The following SARNP variants were observed in gnomAD, a reference collection of about 807,000 sequenced individuals.
SARNP encodes the protein SAP domain-containing ribonucleoprotein.
SARNP carries 5 observed loss-of-function variants against 38.1 expected under a neutral mutation model. The observed-to-expected ratio is 0.13, with a 90% CI of 0.07 to 0.28. SARNP has a LOEUF of 0.28. Ranked by LOEUF, SARNP falls within the 10% of genes least tolerant of loss-of-function variation. SARNP has a pLI of 1.00. For synonymous variants in SARNP, 84 were observed against 80.6 expected, an observed-to-expected ratio of 1.04 and a Z score of -0.23; for missense variants, 180 against 243.9, an observed-to-expected ratio of 0.74 and a Z score of 1.75.
intron 9 of SARNP, among the ~76,000 whole-genome samples, chr12:55,766,619 G>C (rs1311891970): frequency 7.9e-5 from 7 of 88,134 alleles, no homozygotes; most frequent in African/African-American, 2.8e-4. Flanking sequence ...TTTTTGGCGG[G>C]GGGGGGGGGG....
chr12:55,817,042 CTT>C (rs1880510621), intron 1 of SARNP, among the ~76,000 whole-genome samples: 1 of 152,202 alleles, frequency 6.6e-6, no homozygotes, highest in South Asian at 2.1e-4. Context: ...AACTCGAAAA[CTT>C]TTAAATCTGA....
chr12:55,772,659 A>G (rs191404501), intron 9 of SARNP, among the ~76,000 whole-genome samples: 456 of 151,868 alleles, frequency 3.0e-3, no homozygotes, highest in Non-Finnish European at 4.6e-3. Context: ...TTTGAGGATA[A>G]GTGATGCAGA....
At chr12:55,797,444 C>T (rs999627419) in intron 4 of SARNP, among the ~76,000 whole-genome samples, 9 of 152,182 alleles carry the variant, frequency 5.9e-5, no homozygotes, top group Non-Finnish European at 1.0e-4. Flanking sequence ...GCTATTCTGA[C>T]GTTTAAAGAA....
intron 9 of SARNP, among the ~76,000 whole-genome samples, chr12:55,769,093 C>T (rs995628308): frequency 6.6e-6 from 1 of 152,110 alleles, no homozygotes; most frequent in Admixed American, 6.6e-5. Flanking sequence ...TAATAATTAA[C>T]GACTAACAAT....
intron 5 of SARNP, 25 bp from the exon 6 acceptor site, chr12:55,794,905 G>GA (rs752424258): frequency 5.1e-5 from 50 of 973,008 alleles, no homozygotes; most frequent in Middle Eastern, 3.1e-4. Context: ...ACAAAAGGGA[G>GA]AAAAAAAAGT....
intron 9 of SARNP, among the ~76,000 whole-genome samples, chr12:55,783,035 T>G (rs1033729590): frequency 1.3e-5 from 2 of 151,832 alleles, no homozygotes; most frequent in African/African-American, 2.4e-5. Context: ...CACTTGACCC[T>G]GGAGGCTGAG....
chr12:55,804,483 T>C lies in SARNP; in HGVS notation c.37-755A>G, dbSNP rs1302572659. Among the ~76,000 whole-genome samples, 3 of 151,530 alleles carry C rather than the reference T, an allele frequency of 2.0e-5. No individual in the cohort carries two copies. In the East Asian group the frequency reaches 5.8e-4, roughly 29 times the overall value. On this transcript the variant is annotated intron_variant, in intron 1 of 10. Transcript: ENST00000336133. The stretch of plus-strand genomic sequence containing the variant: ...AAACAAAGACTCAATTTAGTAGGAA[T>C]AAGGTATACATATAACTTCCTACAC...
chr12:55,769,226 C>T lies in SARNP; in HGVS notation c.502-8586G>A, dbSNP rs181525176. On this transcript the variant is annotated intron_variant, in intron 9 of 10. Transcript: ENST00000336133. ...GAATCTCTTTCACTGAATTATGTGACATCAGGTTCAATCAACATTTTCAAT... is the reference window on the plus strand; with the variant it reads ...GAATCTCTTTCACTGAATTATGTGATATCAGGTTCAATCAACATTTTCAAT... 1.7e-4 allele frequency among the ~76,000 whole-genome samples: 26 copies of T among 152,276 alleles called. No homozygotes were observed. In the East Asian group the frequency reaches 4.8e-3, roughly 28 times the overall value.
chr12:55,805,938 G>A (rs1245041835), intron 1 of SARNP, among the ~76,000 whole-genome samples: 1 of 152,050 alleles, frequency 6.6e-6, no homozygotes, highest in African/African-American at 2.4e-5. Context: ...TGAGGAGGCT[G>A]AGGCAGGAGA....
chr12:55,800,083 C>G (rs770911666), intron 4 of SARNP, among the ~76,000 whole-genome samples: 2 of 151,602 alleles, frequency 1.3e-5, no homozygotes, highest in East Asian at 3.9e-4. Flanking sequence ...CCCAGCTACT[C>G]GGGAGGCTGA....
chr12:55,784,221 AACAACCTAAAG>A (rs774544848), intron 9 of SARNP, among the ~76,000 whole-genome samples: 1 of 152,328 alleles, frequency 6.6e-6, no homozygotes, highest in South Asian at 2.1e-4. Flanking sequence ...TAGAGAATTA[AACAACCTAAAG>A]ACAAGCGACC....
At chr12:55,757,952 A>G (rs1878563444) in intron 10 of SARNP, among the ~76,000 whole-genome samples, 1 of 152,218 alleles carries the variant, frequency 6.6e-6, no homozygotes, top group Admixed American at 6.5e-5. Context: ...CAGAGGATAA[A>G]GGATTAACCA....
At chr12:55,810,335 A>T (rs930060910) in intron 1 of SARNP, among the ~76,000 whole-genome samples, 1 of 146,938 alleles carries the variant, frequency 6.8e-6, no homozygotes, top group African/African-American at 2.5e-5. Flanking sequence ...CTGTTCTTAA[A>T]CTCCTGGGCT....
intron 8 of SARNP, among the ~76,000 whole-genome samples, chr12:55,789,998 C>A (rs1358915781): frequency 1.4e-5 from 2 of 143,250 alleles, no homozygotes; most frequent in African/African-American, 5.2e-5. Context: ...TAATATTAAA[C>A]CTTCACTTAC....
At chr12:55,767,691 CA>C (rs1395476814) in intron 9 of SARNP, among the ~76,000 whole-genome samples, 1 of 150,590 alleles carries the variant, frequency 6.6e-6, no homozygotes, top group Non-Finnish European at 1.5e-5. Flanking sequence ...ACTAAATATA[CA>C]AAAAATTAGC....
In SARNP at chr12:55,759,467, G is replaced by A. The variant is rs1878609039; in HGVS notation, c.591+1084C>T. On this transcript the variant is annotated intron_variant, in intron 10 of 10. Transcript: ENST00000336133. Reference sequence around the variant, plus strand: ...GTCTCACTCTGTAGCCCATGTTGGAGTGGCGTGATCTTGGCTCACCGCAAC... The same window carrying A: ...GTCTCACTCTGTAGCCCATGTTGGAATGGCGTGATCTTGGCTCACCGCAAC... 2.0e-5 allele frequency among the ~76,000 whole-genome samples: 3 copies of A among 150,842 alleles called. No individual in the cohort carries two copies. In the South Asian group the frequency reaches 6.3e-4, roughly 31 times the overall value.
chr12:55,758,907 T>C (rs189559383), intron 10 of SARNP, among the ~76,000 whole-genome samples: 9 of 135,820 alleles, frequency 6.6e-5, no homozygotes, highest in African/African-American at 2.6e-4. Flanking sequence ...CTAATATACT[T>C]TTTTTTTTTT....
intron 10 of SARNP, 66 bp downstream of exon 10, chr12:55,760,485 C>A: frequency 1.1e-6 from 1 of 878,940 alleles, no homozygotes; most frequent in Non-Finnish European, 1.9e-6. Flanking sequence ...AACAATATTT[C>A]TCCATTCAGT....
At position 55,760,350 on chromosome 12, in the gene SARNP, ATAAT is replaced by A. The variant is rs1878637147; in HGVS notation, c.591+197_591+200del. 2.0e-5 allele frequency: 11 copies of A among 539,310 alleles called. No homozygotes were observed. The South Asian group carries it at 3.3e-4, about 16-fold the overall frequency. The allele number at this position is 539,310 out of a possible 1,614,324, so 33.4% of individuals were successfully genotyped here. ...ACCCCATCTCTACTTAAATAAATAAATAATTAAGAAGTAGGTGGGAAAACAGTGT... is the reference window on the plus strand; with the variant it reads ...ACCCCATCTCTACTTAAATAAATAAATAAGAAGTAGGTGGGAAAACAGTGT... On this transcript the variant is annotated intron_variant, in intron 10 of 10. Transcript: ENST00000336133.
Sources: allele counts gnomAD v4.1 joint callset (sites outside exome capture counted in the v4.1 genomes callset), GRCh38; gene constraint gnomAD v4.1.1; transcripts MANE v1.5; gene names NCBI Gene and HGNC (gene_info 2026-07-23, HGNC 2026-07-21).